CSMD1: variants seen among roughly 807,000 people sequenced by gnomAD.
CSMD1 encodes the protein CUB and Sushi multiple domains 1.
CSMD1 carries 213 observed loss-of-function variants against 417.5 expected under a neutral mutation model. That is an observed-to-expected ratio of 0.51 (90% CI 0.46 to 0.57). The LOEUF is 0.57. Ranked by LOEUF, CSMD1 falls within the 20% of genes least tolerant of loss-of-function variation. CSMD1 has a pLI of 0.00. For synonymous variants in CSMD1, 2,862 were observed against 1,736.8 expected, an observed-to-expected ratio of 1.65 and a Z score of -16.11; for missense variants, 6,923 against 4,529.7, an observed-to-expected ratio of 1.53 and a Z score of -15.17.
intron 4 of CSMD1, among the ~76,000 whole-genome samples, chr8:3,999,606 C>A (rs953590428): frequency 6.6e-6 from 1 of 152,138 alleles, no homozygotes. Flanking sequence ...TGACAGCACA[C>A]GGTTTTTGTT....
At chr8:2,987,756 C>A (rs983834822) in intron 54 of CSMD1, among the ~76,000 whole-genome samples, 2 of 152,190 alleles carry the variant, frequency 1.3e-5, no homozygotes, top group Non-Finnish European at 2.9e-5. Flanking sequence ...CTGCCAGCGG[C>A]GCGCATAAGG....
intron 54 of CSMD1, among the ~76,000 whole-genome samples, chr8:2,990,830 G>C (rs889696669): frequency 3.9e-5 from 6 of 152,202 alleles, no homozygotes; most frequent in African/African-American, 1.2e-4. Flanking sequence ...AGCTATGCAA[G>C]GTATTGAGCA....
intron 7 of CSMD1, among the ~76,000 whole-genome samples, chr8:3,693,306 G>A (rs2129033638): frequency 6.6e-6 from 1 of 152,246 alleles, no homozygotes; most frequent in Non-Finnish European, 1.5e-5. Context: ...AGGAGAAAAT[G>A]AAATATATAT....
chr8:4,454,819 C>A (rs1799371526), intron 2 of CSMD1, among the ~76,000 whole-genome samples: 1 of 152,096 alleles, frequency 6.6e-6, no homozygotes, highest in South Asian at 2.1e-4. Flanking sequence ...TTATCTCAAC[C>A]ATAAGAAGAG....
At chr8:4,484,719 C>A (rs959300837) in intron 2 of CSMD1, among the ~76,000 whole-genome samples, 1 of 151,970 alleles carries the variant, frequency 6.6e-6, no homozygotes, top group African/African-American at 2.4e-5. Flanking sequence ...CCTGTAATCT[C>A]AGCACTTTGG....
intron 2 of CSMD1, among the ~76,000 whole-genome samples, chr8:4,508,214 C>T (rs949783604): frequency 1.0e-4 from 15 of 150,308 alleles, no homozygotes; most frequent in Admixed American, 9.2e-4. Context: ...TCCCTGATAC[C>T]GCCCATACTC....
intron 1 of CSMD1, among the ~76,000 whole-genome samples, chr8:4,654,397 T>C (rs761783632): frequency 4.3e-4 from 66 of 152,114 alleles, no homozygotes; most frequent in Non-Finnish European, 5.7e-4. Flanking sequence ...ATGCTCTCTA[T>C]TCTGGGGAAG....
chr8:4,904,396 AG>A (rs1394049961), intron 1 of CSMD1, among the ~76,000 whole-genome samples: 10 of 152,238 alleles, frequency 6.6e-5, no homozygotes, highest in Non-Finnish European at 4.4e-5. Context: ...CACAGTAGTC[AG>A]GCAAAGAACA....
intron 3 of CSMD1, among the ~76,000 whole-genome samples, chr8:4,322,411 G>C (rs1316595202): frequency 6.6e-6 from 1 of 152,090 alleles, no homozygotes; most frequent in African/African-American, 2.4e-5. Context: ...CTATTAGCAA[G>C]GTGACTACAT....
intron 1 of CSMD1, among the ~76,000 whole-genome samples, chr8:4,730,631 C>T (rs1426220666): frequency 6.6e-6 from 1 of 151,978 alleles, no homozygotes; most frequent in African/African-American, 2.4e-5. Context: ...GTCCCAGCTA[C>T]TCGGGAGGCT....
chr8:3,522,687 G>T (rs1264983325), intron 10 of CSMD1, among the ~76,000 whole-genome samples: 1 of 151,956 alleles, frequency 6.6e-6, no homozygotes, highest in Non-Finnish European at 1.5e-5. Flanking sequence ...GAGTAGATCA[G>T]TCGTCCCGGT....
chr8:3,973,937 C>A lies in CSMD1; in HGVS notation c.818+23966G>T, dbSNP rs563443629. Among the ~76,000 whole-genome samples the A allele has an allele frequency of 2.0e-5, 3 of 152,252 alleles. No individual in the cohort carries two copies. In the South Asian group the frequency reaches 6.2e-4, roughly 32 times the overall value. On this transcript the variant is annotated intron_variant, in intron 5 of 69. Transcript: ENST00000635120. ...ATACAGGAATGCCATGTGAAACATGCACATCATGAAAAATGGGATATCCAT... is the reference window on the plus strand; with the variant it reads ...ATACAGGAATGCCATGTGAAACATGAACATCATGAAAAATGGGATATCCAT...
rs565169478 is a variant in CSMD1 at position 4,563,561 on chromosome 8, G to T, written c.302+73781C>A. ...CTCACCACACATCCTCACTCCAACT[G>T]TAGTGCTTTCCTTATAAATGAGTTG... On this transcript the variant is annotated intron_variant, in intron 2 of 69. Coordinates refer to ENST00000635120, the MANE Select transcript of CSMD1 (RefSeq NM_033225.6). Among the ~76,000 whole-genome samples, 7 of 152,274 alleles carry T rather than the reference G, an allele frequency of 4.6e-5. No individual in the cohort carries two copies. The East Asian group carries it at 1.4e-3, about 29-fold the overall frequency.
At chr8:4,098,825 T>A (rs1437845739) in intron 3 of CSMD1, among the ~76,000 whole-genome samples, 3 of 152,180 alleles carry the variant, frequency 2.0e-5, no homozygotes, top group Non-Finnish European at 4.4e-5. Flanking sequence ...TCTCTTCTCA[T>A]CACTAAGGCT....
chr8:3,157,889 A>G lies in CSMD1; in HGVS notation c.5914+8T>C, dbSNP rs2129038475. 1.3e-6 allele frequency: 2 copies of G among 1,551,874 alleles called. No homozygotes were observed. The highest frequency in any genetic ancestry group is 4.9e-5 in the East Asian group (2 of 40,946). ...GCAGCAGCAGAGTTACAGAAGGTGC[A>G]TCCTTACCAATGCACAGGGGAGACG... On this transcript the variant is annotated splice_region_variant and intron_variant, in intron 39 of 69. Transcript: ENST00000635120.
Position 3,307,761 on chromosome 8 carries a change from G to C in CSMD1, c.3884C>G (p.Pro1295Arg). ...GTGGAGGTTGTTGTCATACGGAGCT[G>C]GATAGCCAGGGGACAATATTCGTCC... ...TSGRILSPGYPAPYDNNLHCT... is the reference protein window; with the variant it reads ...TSGRILSPGYRAPYDNNLHCT... The change falls in exon 25 of 70, where the codon CCA (proline) becomes CGA (arginine). Residue 1295 changes from proline to arginine, a missense_variant. Physicochemically the swap from Pro to Arg is moderately radical, Grantham distance 103. Transcript: ENST00000635120. 1 of 1,613,706 alleles carries C rather than the reference G, an allele frequency of 6.2e-7. No homozygotes were observed.
chr8:4,242,444 A>G (rs559035019), intron 3 of CSMD1, among the ~76,000 whole-genome samples: 1 of 152,242 alleles, frequency 6.6e-6, no homozygotes, highest in Non-Finnish European at 1.5e-5. Flanking sequence ...ACTTCAAGCT[A>G]TAATAGGACT....
At chr8:4,960,945 C>A (rs1288965779) in intron 1 of CSMD1, among the ~76,000 whole-genome samples, 4 of 152,128 alleles carry the variant, frequency 2.6e-5, no homozygotes, top group Admixed American at 2.6e-4. Context: ...TTTCACTGCA[C>A]ATTTTTAAAC....
intron 3 of CSMD1, among the ~76,000 whole-genome samples, chr8:4,039,024 C>T (rs4507783): frequency 0.15 from 22,745 of 150,846 alleles, 2,429 homozygotes; most frequent in East Asian, 0.39. Context: ...TATTAAGTAT[C>T]TTTCCAAAAG....
Sources: allele counts gnomAD v4.1 joint callset (sites outside exome capture counted in the v4.1 genomes callset), GRCh38; gene constraint gnomAD v4.1.1; transcripts MANE v1.5; gene names NCBI Gene and HGNC (gene_info 2026-07-23, HGNC 2026-07-21).